GTPBP4: variants seen among roughly 807,000 people sequenced by gnomAD.
GTPBP4 encodes the protein GTP-binding protein 4.
Under a neutral mutation model 81.7 loss-of-function variants are expected in GTPBP4, and 15 were observed. The ratio of observed to expected loss-of-function variants is 0.18; its 90% CI spans 0.12 to 0.28. GTPBP4 has a LOEUF of 0.28. Ranked by LOEUF, GTPBP4 falls within the 10% of genes least tolerant of loss-of-function variation. The probability of loss-of-function intolerance (pLI) is 1.00; values close to 1 mark genes in which losing one functional copy is unlikely to be tolerated. For missense variants in GTPBP4, 847 were observed against 793.8 expected (o/e 1.07, Z -0.81); for synonymous variants, 272 against 274.6 (o/e 0.99, Z 0.09).
At chr10:1,007,991 C>T in intron 10 of GTPBP4, 1 of 516,292 alleles carries the variant, frequency 1.9e-6, no homozygotes, top group Non-Finnish European at 3.9e-6. Context: ...CTTTTTGTCA[C>T]TTGCCTTTTT....
chr10:992,539 T>G lies in GTPBP4; in HGVS notation c.99T>G (p.Val33=), dbSNP rs750008671. 3 of 1,605,440 alleles carry G rather than the reference T, an allele frequency of 1.9e-6. No homozygotes were observed. The East Asian group carries it at 6.7e-5, about 36-fold the overall frequency. The change falls in exon 2 of 17, where the codon GTT becomes GTG. Residue 33 remains valine, a synonymous_variant. Transcript: ENST00000360803. ...LSKTQRKTPT[V]IHKHYQIHRI... is the part of the protein sequence containing the mutation. ...AGACTCAACGAAAGACTCCAACCGT[T>G]ATTCATAAACATTACCAAATACATC...
chr10:1,003,303 T>C (rs1484561912), intron 8 of GTPBP4, among the ~76,000 whole-genome samples: 2 of 152,262 alleles, frequency 1.3e-5, no homozygotes, highest in African/African-American at 4.8e-5. Context: ...AATTGTTTTC[T>C]TGATTTTGTT....
rs1362495261 is a variant in GTPBP4 at position 1,019,772 on chromosome 10, A to G, written c.*2545A>G. 2 of 1,613,986 alleles carry G rather than the reference A, an allele frequency of 1.2e-6. No individual in the cohort carries two copies. Among genetic ancestry groups the G allele is most frequent in the Middle Eastern group, 1.6e-4 (1 of 6,062 alleles). On this transcript the variant is annotated 3_prime_UTR_variant, in exon 17 of 17. Transcript: ENST00000360803. ...GGTAACAAATTTCATGCTCTCCCCAAATTCTGTCTGATTTTGCCTTGTGGT... is the reference window on the plus strand; with the variant it reads ...GGTAACAAATTTCATGCTCTCCCCAGATTCTGTCTGATTTTGCCTTGTGGT...
chr10:1,016,622 G>C (rs138871834), intron 16 of GTPBP4, among the ~76,000 whole-genome samples: 275 of 152,342 alleles, frequency 1.8e-3, no homozygotes, highest in African/African-American at 6.3e-3. Flanking sequence ...TGAGTCCTTA[G>C]CTTGTGTAAG....
Position 999,021 on chromosome 10 carries a change from G to A in GTPBP4, c.580G>A (p.Asp194Asn), listed in dbSNP as rs770948893. The A allele has an allele frequency of 7.0e-5, 113 of 1,603,884 alleles. No individual in the cohort carries two copies. Among genetic ancestry groups the A allele is most frequent in the Non-Finnish European group, 9.1e-5 (107 of 1,170,684 alleles). The change falls in exon 6 of 17, where the codon GAT becomes AAT. Residue 194 changes from aspartate (D) to asparagine (N), a missense_variant. This residue lies in a region of GTPBP4 where 600 missense variants were observed against 557.1 expected (regional missense o/e 1.08). Transcript: ENST00000360803. ...FINKVTRADV[D>N]VQPYAFTTKS... ...GTTCCAGGTGACGAGAGCAGACGTGGATGTCCAGCCCTATGCGTTCACAAC... is the reference window on the plus strand; with the variant it reads ...GTTCCAGGTGACGAGAGCAGACGTGAATGTCCAGCCCTATGCGTTCACAAC...
At chr10:996,274 A>T in intron 4 of GTPBP4, 32 bp downstream of exon 4, 1 of 1,588,960 alleles carries the variant, frequency 6.3e-7, no homozygotes, top group South Asian at 1.1e-5. Flanking sequence ...GAACCGTGCT[A>T]GCATCCTGCT....
chr10:997,552 A>G (rs573530406), intron 5 of GTPBP4, among the ~76,000 whole-genome samples: 1 of 152,338 alleles, frequency 6.6e-6, no homozygotes, highest in East Asian at 1.9e-4. Context: ...GTGAGGATTT[A>G]CTTTGTCTGT....
chr10:1,009,091 GC>G, intron 11 of GTPBP4, 56 bp downstream of exon 11: 1 of 1,321,876 alleles, frequency 7.6e-7, no homozygotes, highest in Non-Finnish European at 1.1e-6. Context: ...GGCTGTGTGT[GC>G]CCATCGTGGG....
chr10:1,007,681 G>T (rs1831769201), intron 10 of GTPBP4, among the ~76,000 whole-genome samples: 1 of 152,244 alleles, frequency 6.6e-6, no homozygotes, highest in Non-Finnish European at 1.5e-5. Context: ...TCACCATGTG[G>T]TGTTGACAAC....
chr10:994,746 A>G (rs939848874), intron 2 of GTPBP4, among the ~76,000 whole-genome samples: 14 of 152,188 alleles, frequency 9.2e-5, no homozygotes, highest in Non-Finnish European at 2.1e-4. Context: ...TTAACATTCT[A>G]TTACTCTTTT....
Position 1,014,325 on chromosome 10 carries a change from G to A in GTPBP4, c.1608+13G>A. 6.3e-7 allele frequency: 1 copy of A among 1,590,232 alleles called. No homozygotes were observed. The highest frequency in any genetic ancestry group is 8.6e-7 in the Non-Finnish European group (1 of 1,158,674). Reference sequence around the variant, plus strand: ...CGATAAAGACGATGTGAGTGTGGGGGCGGTTCATGTGTTTATGTGGCTGGA... The same window carrying A: ...CGATAAAGACGATGTGAGTGTGGGGACGGTTCATGTGTTTATGTGGCTGGA... On this transcript the variant is annotated intron_variant, in intron 15 of 16. Coordinates refer to ENST00000360803, the MANE Select transcript of GTPBP4 (RefSeq NM_012341.3).
intron 1 of GTPBP4, among the ~76,000 whole-genome samples, chr10:991,942 G>C (rs1412747638): frequency 4.0e-5 from 6 of 149,434 alleles, no homozygotes; most frequent in Non-Finnish European, 7.4e-5. Flanking sequence ...TGATCCGCCC[G>C]CCTCAGCCTC....
rs377576803 is a variant in GTPBP4 at position 1,009,075 on chromosome 10, G to A, written c.1191+40G>A. ...CTCTCGCCCAGTGTTCTCATGGGGG[G>A]AGGCAGGCTGTGTGTGCCCATCGTG... On this transcript the variant is annotated intron_variant, in intron 11 of 16. Coordinates refer to ENST00000360803, the MANE Select transcript of GTPBP4 (RefSeq NM_012341.3). 40 of 1,448,850 alleles carry A rather than the reference G, an allele frequency of 2.8e-5. No homozygotes were observed. In the African/African-American group the frequency reaches 4.9e-4, roughly 18 times the overall value. The allele number at this position is 1,448,850 out of a possible 1,614,324, so 89.7% of individuals were successfully genotyped here.
chr10:992,614 C>A lies in GTPBP4; in HGVS notation c.174C>A (p.Tyr58Ter). 6.2e-7 allele frequency: 1 copy of A among 1,606,108 alleles called. No homozygotes were observed. Among genetic ancestry groups the A allele is most frequent in the Non-Finnish European group, 8.5e-7 (1 of 1,173,578 alleles). ...MRKVKFTQQNYHDRLSQILTD... is the reference protein window; with the variant it reads ...MRKVKFTQQN ...AAGTCAAATTTACTCAACAGAATTACCATGATAGACTTTCACAAATTCTAA... is the reference window on the plus strand; with the variant it reads ...AAGTCAAATTTACTCAACAGAATTAACATGATAGACTTTCACAAATTCTAA... Residue 58 changes from tyrosine (Y) to a stop codon, truncating the protein, a stop_gained, in exon 2 of 17, where the codon TAC becomes TAA. Coordinates refer to ENST00000360803, the MANE Select transcript of GTPBP4 (RefSeq NM_012341.3). LOFTEE classifies it high-confidence loss of function.
Position 1,017,083 on chromosome 10 carries a change from G to A in GTPBP4, c.1761G>A (p.Lys587=). The A allele has an allele frequency of 1.2e-6, 2 of 1,610,176 alleles. No homozygotes were observed. Among genetic ancestry groups the A allele is most frequent in the East Asian group, 2.2e-5 (1 of 44,854 alleles). ...TTTTCTCCTCCTTTTAGATGGTGAA[G>A]AAAGCCAAGACTATGATGAAGAATG... ...VSGLRDVKMV[K]KAKTMMKNAQ... The change falls in exon 17 of 17, where the codon AAG becomes AAA. Residue 587 remains lysine, a synonymous_variant. Coordinates refer to ENST00000360803, the MANE Select transcript of GTPBP4 (RefSeq NM_012341.3).
rs376157521 is a variant in GTPBP4, at chr10:1,010,492, C to G, written c.1316C>G (p.Ala439Gly). The change falls in exon 13 of 17, where the codon GCT (alanine) becomes GGT (glycine). Residue 439 changes from alanine to glycine, a missense_variant. Around this residue, in one of 3 missense-constraint regions of GTPBP4, gnomAD observed 600 missense variants for 557.1 expected, o/e 1.08. Transcript: ENST00000360803. The part of the protein sequence containing the change: ...IPEIWEGHNI[A>G]DYIDPAIMKK... ...GAAATCTGGGAAGGCCATAATATAGCTGATTATATTGATCCAGCCATCATG... is the reference window on the plus strand; with the variant it reads ...GAAATCTGGGAAGGCCATAATATAGGTGATTATATTGATCCAGCCATCATG... 4 of 1,556,864 alleles carry G rather than the reference C, an allele frequency of 2.6e-6. No individual in the cohort carries two copies. Among genetic ancestry groups the G allele is most frequent in the African/African-American group, 2.7e-5 (2 of 73,818 alleles).
At position 1,001,022 on chromosome 10, in the gene GTPBP4, C is replaced by T. The variant is rs555835510; in HGVS notation, c.912+9C>T. The T allele has an allele frequency of 1.5e-5, 24 of 1,573,916 alleles. No individual in the cohort carries two copies. The East Asian group carries it at 1.8e-4, about 12-fold the overall frequency. On this transcript the variant is annotated intron_variant, in intron 8 of 16. Coordinates refer to ENST00000360803, the MANE Select transcript of GTPBP4 (RefSeq NM_012341.3). Reference sequence around the variant, plus strand: ...TTTCTGAAGATGATCAGGTAAATCACGTTAATATTTTGAATATTTCTTACT... The same window carrying T: ...TTTCTGAAGATGATCAGGTAAATCATGTTAATATTTTGAATATTTCTTACT...
chr10:997,914 G>T (rs139549808), intron 5 of GTPBP4, among the ~76,000 whole-genome samples: 1 of 152,052 alleles, frequency 6.6e-6, no homozygotes, highest in Non-Finnish European at 1.5e-5. Flanking sequence ...TAAGGGACTC[G>T]GTCATTTGTT....
At chr10:990,438 C>T (rs1318696035) in intron 1 of GTPBP4, among the ~76,000 whole-genome samples, 6 of 151,964 alleles carry the variant, frequency 3.9e-5, no homozygotes, top group Non-Finnish European at 7.4e-5. Flanking sequence ...AGAGGTAAGT[C>T]GAGGCCGGGT....
Sources: gnomAD v4.1 joint callset for allele counts (sites outside exome capture counted in the v4.1 genomes callset) on GRCh38, gnomAD v4.1.1 for gene constraint, gnomAD v4.1.1 regional missense constraint, MANE v1.5 for transcripts, NCBI Gene and HGNC (gene_info 2026-07-23, HGNC 2026-07-21) for gene names.